Variants in DLG2 observed in about 807,000 individuals in gnomAD.
DLG2 encodes discs large MAGUK scaffold protein 2, also known as disks large homolog 2.
Under a neutral mutation model 132.5 loss-of-function variants are expected in DLG2, and 45 were observed. That is an observed-to-expected ratio of 0.34 (90% CI 0.27 to 0.44). DLG2 has a LOEUF of 0.44. Among genes scored for constraint, DLG2 ranks in the 20% least tolerant of loss-of-function variants. The pLI is 1.00. For synonymous variants in DLG2, 424 were observed against 419.6 expected (o/e 1.01, Z -0.13); for missense variants, 1,045 against 1,196.9 (o/e 0.87, Z 1.87).
At chr11:83,931,783 G>A (rs2154131249) in intron 14 of DLG2, among the ~76,000 whole-genome samples, 1 of 152,258 alleles carries the variant, frequency 6.6e-6, no homozygotes, top group Non-Finnish European at 1.5e-5. Context: ...GGTGTTTGGA[G>A]CAGGCTTTAA....
intron 18 of DLG2, among the ~76,000 whole-genome samples, chr11:83,722,213 CAT>C: frequency 6.6e-6 from 1 of 152,058 alleles, no homozygotes; most frequent in African/African-American, 2.4e-5. Context: ...ATGGGTCAAT[CAT>C]AGTTTTTCTC....
chr11:84,701,170 C>T (rs1384662261), intron 6 of DLG2, among the ~76,000 whole-genome samples: 1 of 151,564 alleles, frequency 6.6e-6, no homozygotes, highest in Non-Finnish European at 1.5e-5. Context: ...GTTCCCAAGC[C>T]ATTTCTCTTA....
intron 2 of DLG2, among the ~76,000 whole-genome samples, chr11:85,623,996 G>T (rs2081902656): frequency 6.6e-6 from 1 of 152,048 alleles, no homozygotes; most frequent in Non-Finnish European, 1.5e-5. Context: ...TGTCCCAAGG[G>T]CTCACCTGGG....
intron 8 of DLG2, among the ~76,000 whole-genome samples, chr11:84,195,418 C>A (rs1334907056): frequency 1.3e-5 from 2 of 152,200 alleles, no homozygotes; most frequent in African/African-American, 4.8e-5. Flanking sequence ...CCTGCCTCAG[C>A]CTCCCAAAGT....
intron 18 of DLG2, among the ~76,000 whole-genome samples, chr11:83,674,510 A>G (rs2077365685): frequency 1.3e-5 from 2 of 152,226 alleles, no homozygotes; most frequent in African/African-American, 4.8e-5. Context: ...TAATAATGGT[A>G]CCTTTTAATG....
At chr11:84,710,309 G>C (rs959762453) in intron 6 of DLG2, among the ~76,000 whole-genome samples, 1 of 151,870 alleles carries the variant, frequency 6.6e-6, no homozygotes, top group Non-Finnish European at 1.5e-5. Flanking sequence ...GCATTAACCT[G>C]AGGTGCCCAC....
chr11:84,784,930 CAA>C (rs1240135108), intron 6 of DLG2, among the ~76,000 whole-genome samples: 6 of 151,908 alleles, frequency 3.9e-5, no homozygotes, highest in Non-Finnish European at 8.8e-5. Flanking sequence ...TGAAAAAAGC[CAA>C]GAGAGTTGGT....
At chr11:84,845,998 A>C (rs1357640434) in intron 6 of DLG2, among the ~76,000 whole-genome samples, 3 of 151,790 alleles carry the variant, frequency 2.0e-5, no homozygotes, top group Non-Finnish European at 4.4e-5. Context: ...TTATCATTGT[A>C]CCTCAAGGTC....
chr11:84,074,966 T>C (rs2096807161), intron 10 of DLG2, among the ~76,000 whole-genome samples: 1 of 152,210 alleles, frequency 6.6e-6, no homozygotes, highest in Non-Finnish European at 1.5e-5. Flanking sequence ...TATTTATTCT[T>C]GTGCTCTCAT....
At chr11:84,379,858 C>T (rs2098743162) in intron 7 of DLG2, among the ~76,000 whole-genome samples, 1 of 151,594 alleles carries the variant, frequency 6.6e-6, no homozygotes, top group Non-Finnish European at 1.5e-5. Flanking sequence ...CACAATAAGC[C>T]CCAACAGCAT....
In DLG2 at chr11:83,981,409, A is replaced by G. The variant is rs571304857; in HGVS notation, c.920-767T>C. On this transcript the variant is annotated intron_variant, in intron 11 of 27. Transcript: ENST00000376104. ...TTAAAAATATTCTATTGGAAAATAA[A>G]GAATAAAAAGAATGTTAAAAAATTA... is the stretch of plus-strand genomic sequence containing the variant. Among the ~76,000 whole-genome samples the G allele has an allele frequency of 1.8e-4, 28 of 152,262 alleles. 1 individual carries two copies. Among genetic ancestry groups the G allele is most frequent in the Admixed American group, 8.5e-4 (13 of 15,284 alleles).
At chr11:84,898,044 T>C (rs1302687476) in intron 6 of DLG2, among the ~76,000 whole-genome samples, 1 of 151,970 alleles carries the variant, frequency 6.6e-6, no homozygotes, top group Non-Finnish European at 1.5e-5. Flanking sequence ...ATTCCCTAAA[T>C]AACTCAGTGT....
At chr11:84,617,337 G>C (rs944485679) in intron 6 of DLG2, among the ~76,000 whole-genome samples, 1 of 152,088 alleles carries the variant, frequency 6.6e-6, no homozygotes, top group Non-Finnish European at 1.5e-5. Flanking sequence ...TGGCCACATA[G>C]TATTCCACGG....
At chr11:85,298,805 T>C (rs973126674) in intron 3 of DLG2, among the ~76,000 whole-genome samples, 4 of 152,096 alleles carry the variant, frequency 2.6e-5, no homozygotes, top group Non-Finnish European at 4.4e-5. Context: ...AACAGATTGC[T>C]CTTGTTCCCA....
At chr11:84,579,607 A>G (rs1387979558) in intron 6 of DLG2, among the ~76,000 whole-genome samples, 1 of 152,178 alleles carries the variant, frequency 6.6e-6, no homozygotes. Flanking sequence ...TGGTAAGAAT[A>G]TGGGGAGGTT....
intron 3 of DLG2, among the ~76,000 whole-genome samples, chr11:85,414,546 G>A (rs756791536): frequency 7.9e-5 from 12 of 151,892 alleles, no homozygotes; most frequent in African/African-American, 2.4e-4. Flanking sequence ...AGTTTCATGC[G>A]CTGTTGAATA....
intron 3 of DLG2, among the ~76,000 whole-genome samples, chr11:85,577,349 T>A (rs1484789480): frequency 6.6e-6 from 1 of 152,062 alleles, no homozygotes; most frequent in African/African-American, 2.4e-5. Context: ...TAACTGGAAA[T>A]TCTGCCAACA....
chr11:83,879,117 T>C (rs2065496053), intron 15 of DLG2, among the ~76,000 whole-genome samples: 1 of 152,322 alleles, frequency 6.6e-6, no homozygotes, highest in Middle Eastern at 3.4e-3. Context: ...AGCATCTGAA[T>C]TGAAATTGTT....
In DLG2 at chr11:84,217,416, T is replaced by C. The variant is rs527872387; in HGVS notation, c.573+33822A>G. ...GAGTTTCCCTACATAAAGTCTCTTCTCTTGTCTGCCGCCAAGTGAGATGTG... is the reference window on the plus strand; with the variant it reads ...GAGTTTCCCTACATAAAGTCTCTTCCCTTGTCTGCCGCCAAGTGAGATGTG... On this transcript the variant is annotated intron_variant, in intron 8 of 27. Coordinates refer to ENST00000376104, the MANE Select transcript of DLG2 (RefSeq NM_001142699.3). Among the ~76,000 whole-genome samples the C allele has an allele frequency of 2.6e-3, 392 of 152,314 alleles. 2 individuals are homozygous for C. Among genetic ancestry groups the C allele is most frequent in the South Asian group, 4.6e-3 (22 of 4,824 alleles).
Sources: allele counts gnomAD v4.1 joint callset (sites outside exome capture counted in the v4.1 genomes callset), GRCh38; gene constraint gnomAD v4.1.1; transcripts MANE v1.5; gene names NCBI Gene and HGNC (gene_info 2026-07-23, HGNC 2026-07-21).